Variants in ZDHHC20 observed in about 807,000 individuals in gnomAD.
ZDHHC20 encodes zDHHC palmitoyltransferase 20.
A neutral mutation model predicts 57.8 loss-of-function variants in ZDHHC20; 43 were observed. The ratio of observed to expected loss-of-function variants is 0.74; its 90% CI spans 0.58 to 0.96. ZDHHC20 has a LOEUF of 0.96. Ranked by LOEUF, ZDHHC20 falls within the 40% of genes least tolerant of loss-of-function variation. ZDHHC20 has a pLI of 0.00. For synonymous variants in ZDHHC20, 157 were observed against 153.0 expected (o/e 1.03, Z -0.19); for missense variants, 391 against 441.1 (o/e 0.89, Z 1.02).
At chr13:21,406,890 T>C (rs1159968823) in intron 4 of ZDHHC20, among the ~76,000 whole-genome samples, 2 of 152,232 alleles carry the variant, frequency 1.3e-5, no homozygotes, top group African/African-American at 4.8e-5. Flanking sequence ...CCTTTGGGTA[T>C]ATACCCAGTA....
At chr13:21,428,455 G>A (rs1039642202) in intron 1 of ZDHHC20, among the ~76,000 whole-genome samples, 5 of 151,624 alleles carry the variant, frequency 3.3e-5, no homozygotes, top group African/African-American at 1.2e-4. Flanking sequence ...TCCTGACCTC[G>A]TGATCCACCT....
intron 3 of ZDHHC20, among the ~76,000 whole-genome samples, chr13:21,415,541 G>A (rs547694228): frequency 6.6e-6 from 1 of 152,228 alleles, no homozygotes; most frequent in South Asian, 2.1e-4. Flanking sequence ...GACAATGGAG[G>A]CCCCTTATCT....
At chr13:21,376,885 T>C (rs1872178753) in intron 12 of ZDHHC20, 1 of 285,172 alleles carries the variant, frequency 3.5e-6, no homozygotes. Context: ...GGAAGAATCT[T>C]ACAGTACTCC....
At position 21,398,389 on chromosome 13, in the gene ZDHHC20, G is replaced by C. The variant is rs573033396; in HGVS notation, c.594+1984C>G. Among the ~76,000 whole-genome samples the C allele has an allele frequency of 5.9e-5, 9 of 151,964 alleles. No individual in the cohort carries two copies. In the South Asian group the frequency reaches 1.9e-3, roughly 32 times the overall value. On this transcript the variant is annotated intron_variant, in intron 7 of 12. Transcript: ENST00000400590. ...TGAGGCAGCAGAATGGCATGAACCC[G>C]GGAGGCGGAGCTGGCAGTGAGCCAA...
At chr13:21,388,645 C>T (rs117811044) in intron 8 of ZDHHC20, among the ~76,000 whole-genome samples, 233 of 152,308 alleles carry the variant, frequency 1.5e-3, no homozygotes, top group South Asian at 7.3e-3. Context: ...TCTTGGGTAA[C>T]AGGTGAGGGA....
At chr13:21,429,007 T>G (rs887389708) in intron 1 of ZDHHC20, among the ~76,000 whole-genome samples, 20 of 152,338 alleles carry the variant, frequency 1.3e-4, no homozygotes, top group East Asian at 7.7e-4. Flanking sequence ...CTAACCTCAT[T>G]TAGAGACAAC....
chr13:21,409,158 G>C (rs531343318), intron 4 of ZDHHC20, among the ~76,000 whole-genome samples: 2 of 152,200 alleles, frequency 1.3e-5, no homozygotes, highest in African/African-American at 4.8e-5. Flanking sequence ...TTTTTCTATT[G>C]TTTAGAATAG....
At chr13:21,384,405 A>C (rs1175087802) in intron 9 of ZDHHC20, among the ~76,000 whole-genome samples, 1 of 140,966 alleles carries the variant, frequency 7.1e-6, no homozygotes, top group Admixed American at 7.9e-5. Flanking sequence ...GCACCACTGC[A>C]CTTCAGCCTG....
At chr13:21,377,789 A>G (rs1458896069) in intron 12 of ZDHHC20, 1 of 153,374 alleles carries the variant, frequency 6.5e-6, no homozygotes, top group Non-Finnish European at 1.5e-5. Flanking sequence ...ACAAGTGAGG[A>G]AACAGATGCT....
At chr13:21,436,227 G>T (rs1479845197) in intron 1 of ZDHHC20, among the ~76,000 whole-genome samples, 1 of 152,178 alleles carries the variant, frequency 6.6e-6, no homozygotes, top group African/African-American at 2.4e-5. Flanking sequence ...ACACTACCTT[G>T]GGTGTTGATC....
chr13:21,398,630 C>G (rs916988351), intron 7 of ZDHHC20, among the ~76,000 whole-genome samples: 1 of 152,148 alleles, frequency 6.6e-6, no homozygotes, highest in Non-Finnish European at 1.5e-5. Flanking sequence ...CAGTTTCATA[C>G]AGGAATAACA....
chr13:21,437,133 C>T (rs1266541623), intron 1 of ZDHHC20, among the ~76,000 whole-genome samples: 1 of 152,160 alleles, frequency 6.6e-6, no homozygotes, highest in Non-Finnish European at 1.5e-5. Flanking sequence ...AGAGCAAAGT[C>T]CTAACTCTCT....
intron 4 of ZDHHC20, chr13:21,404,456 A>C (rs1417637520): frequency 6.8e-6 from 3 of 441,672 alleles, no homozygotes. Flanking sequence ...CATGGAAAAA[A>C]AGGAATTCAG....
intron 2 of ZDHHC20, among the ~76,000 whole-genome samples, chr13:21,424,895 A>G (rs991428819): frequency 3.3e-5 from 5 of 152,212 alleles, no homozygotes; most frequent in Admixed American, 6.5e-5. Flanking sequence ...GTCTGCGTTT[A>G]TTCTGTTACT....
chr13:21,426,533 G>C (rs1881266151), intron 1 of ZDHHC20, among the ~76,000 whole-genome samples: 1 of 151,874 alleles, frequency 6.6e-6, no homozygotes, highest in African/African-American at 2.4e-5. Context: ...AATCTTCAGG[G>C]TAGCAAACAC....
intron 9 of ZDHHC20, among the ~76,000 whole-genome samples, chr13:21,383,853 G>C (rs1437814736): frequency 2.0e-5 from 3 of 152,032 alleles, no homozygotes; most frequent in African/African-American, 7.2e-5. Flanking sequence ...GGTCTAAAAA[G>C]AGCATACTTA....
chr13:21,374,336 T>A lies in ZDHHC20; in HGVS notation c.*2360A>T. On this transcript the variant is annotated 3_prime_UTR_variant, in exon 13 of 13. Transcript: ENST00000400590. The stretch of plus-strand genomic sequence containing the variant: ...ACCTCCTGGGTTCAAGTGATTCTCC[T>A]GCCTCCACCTCCCGAGTAGTTGGGA... 1 of 442,628 alleles carries A rather than the reference T, an allele frequency of 2.3e-6. No homozygotes were observed. The highest frequency in any genetic ancestry group is 4.6e-6 in the Non-Finnish European group (1 of 217,782). The allele number at this position is 442,628 out of a possible 1,614,324, so 27.4% of individuals were successfully genotyped here. A position where few individuals can be genotyped will look rare whatever the true frequency, so the allele number is the denominator to read the frequency against.
chr13:21,385,879 C>A (rs1421424916), intron 9 of ZDHHC20, among the ~76,000 whole-genome samples: 1 of 151,960 alleles, frequency 6.6e-6, no homozygotes. Context: ...TAGTAATTTA[C>A]AAACAATGAA....
At chr13:21,384,413 C>A (rs1467718981) in intron 9 of ZDHHC20, among the ~76,000 whole-genome samples, 1 of 144,524 alleles carries the variant, frequency 6.9e-6, no homozygotes, top group Non-Finnish European at 1.5e-5. Flanking sequence ...GCACTTCAGC[C>A]TGAGCACTCA....
Sources: gnomAD v4.1 joint callset for allele counts (sites outside exome capture counted in the v4.1 genomes callset) on GRCh38, gnomAD v4.1.1 for gene constraint, MANE v1.5 for transcripts, NCBI Gene and HGNC (gene_info 2026-07-23, HGNC 2026-07-21) for gene names.